The following KCND2 variants were observed in gnomAD, a reference collection of about 807,000 sequenced individuals.
KCND2 encodes A-type voltage-gated potassium channel KCND2.
In KCND2, 16 loss-of-function variants were observed where a neutral mutation model predicts 54.4. The ratio of observed to expected loss-of-function variants is 0.29; its 90% CI spans 0.20 to 0.45. KCND2 has a LOEUF of 0.45. Among genes scored for constraint, KCND2 ranks in the 20% least tolerant of loss-of-function variants. The pLI, the probability that KCND2 is intolerant of heterozygous loss-of-function variation, is 1.00. For missense variants in KCND2, 486 were observed against 824.2 expected, an observed-to-expected ratio of 0.59 and a Z score of 5.02; for synonymous variants, 317 against 310.7, an observed-to-expected ratio of 1.02 and a Z score of -0.21.
intron 1 of KCND2, among the ~76,000 whole-genome samples, chr7:120,649,822 ATCTC>A (rs1791703017): frequency 6.6e-6 from 1 of 152,072 alleles, no homozygotes; most frequent in Admixed American, 6.5e-5. Flanking sequence ...TGGTGACAAA[ATCTC>A]TCAGCATTTG....
At position 120,733,083 on chromosome 7, in the gene KCND2, T is replaced by C. The variant is rs1792827598; in HGVS notation, c.1278+18T>C. ...CACAAAAGGTGCGTATTCAACTCCG[T>C]GCAACCATGGTTTAGCACTTCCCAC... On this transcript the variant is annotated intron_variant, in intron 2 of 5. Coordinates refer to ENST00000331113, the MANE Select transcript of KCND2 (RefSeq NM_012281.3). The C allele has an allele frequency of 2.5e-6, 4 of 1,612,924 alleles. No homozygotes were observed. The Admixed American group carries it at 5.0e-5, about 20-fold the overall frequency.
chr7:120,504,542 C>T (rs1195868810), intron 1 of KCND2, among the ~76,000 whole-genome samples: 1 of 151,844 alleles, frequency 6.6e-6, no homozygotes, highest in East Asian at 1.9e-4. Flanking sequence ...TTTAATTATA[C>T]ATCATAGTCT....
chr7:120,609,526 G>A (rs115058600), intron 1 of KCND2, among the ~76,000 whole-genome samples: 46 of 152,204 alleles, frequency 3.0e-4, no homozygotes, highest in African/African-American at 8.7e-4. Context: ...CTATTCTCCC[G>A]TAATTGCTAT....
intron 1 of KCND2, among the ~76,000 whole-genome samples, chr7:120,714,478 T>C (rs1464753632): frequency 6.6e-6 from 1 of 152,148 alleles, no homozygotes; most frequent in Non-Finnish European, 1.5e-5. Context: ...TGCAAATATC[T>C]CTCCACAGAA....
intron 1 of KCND2, among the ~76,000 whole-genome samples, chr7:120,468,612 T>G (rs1479684838): frequency 1.3e-5 from 2 of 152,106 alleles, no homozygotes; most frequent in African/African-American, 4.8e-5. Flanking sequence ...TTTAGAAAAT[T>G]GTATTCTTTA....
At chr7:120,431,966 C>T (rs909077365) in intron 1 of KCND2, among the ~76,000 whole-genome samples, 29 of 152,100 alleles carry the variant, frequency 1.9e-4, no homozygotes, top group African/African-American at 6.8e-4. Context: ...ATAAATCACT[C>T]GATGAGTTCT....
intron 1 of KCND2, among the ~76,000 whole-genome samples, chr7:120,401,416 A>G (rs1446440465): frequency 6.6e-6 from 1 of 152,148 alleles, no homozygotes; most frequent in Non-Finnish European, 1.5e-5. Context: ...TACATCTAAA[A>G]CATTTATACT....
chr7:120,699,574 G>A (rs1792375289), intron 1 of KCND2, among the ~76,000 whole-genome samples: 1 of 152,178 alleles, frequency 6.6e-6, no homozygotes, highest in Admixed American at 6.5e-5. Context: ...AGGAGGACAG[G>A]AGAGAAAAAT....
chr7:120,661,071 G>A (rs571954292), intron 1 of KCND2, among the ~76,000 whole-genome samples: 1 of 152,172 alleles, frequency 6.6e-6, no homozygotes, highest in Middle Eastern at 3.4e-3. Flanking sequence ...CCCATCACCA[G>A]AATAGTGAAC....
chr7:120,580,598 C>G (rs1415185804), intron 1 of KCND2, among the ~76,000 whole-genome samples: 2 of 152,180 alleles, frequency 1.3e-5, no homozygotes, highest in Non-Finnish European at 2.9e-5. Flanking sequence ...GTCTAATGTT[C>G]TCTTTTGATT....
chr7:120,419,135 C>T (rs1337269521), intron 1 of KCND2, among the ~76,000 whole-genome samples: 1 of 151,944 alleles, frequency 6.6e-6, no homozygotes, highest in African/African-American at 2.4e-5. Context: ...AGTACTGTTC[C>T]TGTTGTCAAA....
chr7:120,745,386 C>T (rs1792992635), intron 4 of KCND2, among the ~76,000 whole-genome samples: 1 of 151,920 alleles, frequency 6.6e-6, no homozygotes, highest in Admixed American at 6.6e-5. Context: ...TTTTCCATAA[C>T]TTCAACCTTT....
chr7:120,719,382 CA>C (rs1161569973), intron 1 of KCND2, among the ~76,000 whole-genome samples: 1 of 152,132 alleles, frequency 6.6e-6, no homozygotes, highest in East Asian at 1.9e-4. Flanking sequence ...TAGGCTTTTA[CA>C]ACTATAAATA....
chr7:120,475,829 T>C (rs1456637645), intron 1 of KCND2, among the ~76,000 whole-genome samples: 1 of 152,192 alleles, frequency 6.6e-6, no homozygotes, highest in Non-Finnish European at 1.5e-5. Flanking sequence ...CCAATTTGGT[T>C]AAATTTGTTT....
At chr7:120,292,986 A>G (rs1002216478) in intron 1 of KCND2, among the ~76,000 whole-genome samples, 3 of 151,856 alleles carry the variant, frequency 2.0e-5, no homozygotes, top group Non-Finnish European at 4.4e-5. Flanking sequence ...CTCTGAGTAG[A>G]TTCTAAGTGC....
chr7:120,699,958 G>A (rs1034860797), intron 1 of KCND2, among the ~76,000 whole-genome samples: 4 of 152,008 alleles, frequency 2.6e-5, no homozygotes, highest in Admixed American at 1.3e-4. Context: ...ACAATATTTC[G>A]GGCATGGAGG....
At chr7:120,503,385 TGAGA>T (rs58222636) in intron 1 of KCND2, among the ~76,000 whole-genome samples, 22 of 146,592 alleles carry the variant, frequency 1.5e-4, no homozygotes, top group South Asian at 1.1e-3. Context: ...GTCTCTAGAG[TGAGA>T]GAGAGAGAGA....
intron 1 of KCND2, among the ~76,000 whole-genome samples, chr7:120,724,877 A>G (rs1288217839): frequency 6.6e-6 from 1 of 152,202 alleles, no homozygotes; most frequent in Non-Finnish European, 1.5e-5. Context: ...GAGGGAATAA[A>G]GTGTTAAAAA....
At chr7:120,649,863 C>T in intron 1 of KCND2, among the ~76,000 whole-genome samples, 1 of 152,130 alleles carries the variant, frequency 6.6e-6, no homozygotes, top group Non-Finnish European at 1.5e-5. Flanking sequence ...TTTATTTCTC[C>T]TTCACTTAAT....
Sources: allele counts gnomAD v4.1 joint callset (sites outside exome capture counted in the v4.1 genomes callset), GRCh38; gene constraint gnomAD v4.1.1; transcripts MANE v1.5; gene names NCBI Gene and HGNC (gene_info 2026-07-23, HGNC 2026-07-21).